PIMREG: variants seen among roughly 807,000 people sequenced by gnomAD.
PIMREG encodes PICALM interacting mitotic regulator.
In PIMREG, 19 loss-of-function variants were observed where a neutral mutation model predicts 24.3. That is an observed-to-expected ratio of 0.78 (90% CI 0.54 to 1.15). The LOEUF (loss-of-function observed/expected upper bound fraction) is 1.15, where lower values mean the gene tolerates loss of function less well. Among genes scored for constraint, PIMREG ranks in the 50% most tolerant of loss-of-function variants. The pLI, the probability that PIMREG is intolerant of heterozygous loss-of-function variation, is 0.00. For missense variants in PIMREG, 283 were observed against 306.8 expected (o/e 0.92, Z 0.58); for synonymous variants, 112 against 124.1 (o/e 0.90, Z 0.65).
intron 2 of PIMREG, among the ~76,000 whole-genome samples, chr17:6,446,388 G>A (rs922749211): frequency 1.6e-4 from 25 of 152,160 alleles, no homozygotes; most frequent in African/African-American, 6.0e-4. Context: ...GGCTCTTTCT[G>A]GACCCTCTGC....
Position 6,450,673 on chromosome 17 carries a change from A to C in PIMREG, c.*326A>C. 2.2e-6 allele frequency: 1 copy of C among 453,772 alleles called. No homozygotes were observed. Among genetic ancestry groups the C allele is most frequent in the Non-Finnish European group, 3.9e-6 (1 of 257,652 alleles). 28.1% of individuals were successfully genotyped at this position (453,772 alleles called of 1,614,324 possible). On this transcript the variant is annotated 3_prime_UTR_variant, in exon 6 of 6. Coordinates refer to ENST00000572447, the MANE Select transcript of PIMREG (RefSeq NM_019013.3). Reference sequence around the variant, plus strand: ...GAGCCTTCTATTTGCCTCATCTATAACATGAAGTGCTAGCATCAGATATTT... The same window carrying C: ...GAGCCTTCTATTTGCCTCATCTATACCATGAAGTGCTAGCATCAGATATTT...
chr17:6,446,662 C>A (rs1913582772), intron 2 of PIMREG, among the ~76,000 whole-genome samples: 1 of 152,172 alleles, frequency 6.6e-6, no homozygotes, highest in Non-Finnish European at 1.5e-5. Flanking sequence ...CAACAAGAAG[C>A]CACAGAAGAG....
chr17:6,447,841 A>C (rs1271712153), intron 3 of PIMREG, 83 bp downstream of exon 3: 2 of 1,435,264 alleles, frequency 1.4e-6, no homozygotes, highest in Non-Finnish European at 1.9e-6. Flanking sequence ...CCAGACACCA[A>C]CTGGGCCCTA....
At chr17:6,446,295 G>A (rs2150703162) in intron 2 of PIMREG, 3 of 398,118 alleles carry the variant, frequency 7.5e-6, no homozygotes, top group East Asian at 7.1e-5. Flanking sequence ...AGACCTCCAG[G>A]GAGAGGATTG....
chr17:6,448,389 G>A (rs1597351006), intron 3 of PIMREG, among the ~76,000 whole-genome samples: 2 of 151,708 alleles, frequency 1.3e-5, no homozygotes, highest in Non-Finnish European at 2.9e-5. Flanking sequence ...GAAATGGAGT[G>A]TGTTAGTTAA....
rs1245178274 is a variant in PIMREG at position 6,451,164 on chromosome 17, T to C, written c.*817T>C. 2 of 151,578 alleles carry C rather than the reference T, an allele frequency of 1.3e-5. No homozygotes were observed. Among genetic ancestry groups the C allele is most frequent in the African/African-American group, 4.8e-5 (2 of 41,286 alleles). 9.4% of individuals were successfully genotyped at this position (151,578 alleles called of 1,614,324 possible). ...TTTGTGGTTTGGGGTCTGGCCCTCA[T>C]CCACCTCTGCTCCGAGCCAGTCTGC... On this transcript the variant is annotated 3_prime_UTR_variant, in exon 6 of 6. Transcript: ENST00000572447.
In PIMREG at chr17:6,450,483, T is replaced by C. The variant is rs936108011; in HGVS notation, c.*136T>C. ...CCCTGGGCCACTGCTAACAAGCACC[T>C]AACAAGGGGCCCAGAGCCCCCTGCT... is the stretch of plus-strand genomic sequence containing the variant. On this transcript the variant is annotated 3_prime_UTR_variant, in exon 6 of 6. Transcript: ENST00000572447. The C allele has an allele frequency of 2.0e-5, 27 of 1,377,942 alleles. No individual in the cohort carries two copies. The highest frequency in any genetic ancestry group is 7.9e-6 in the Non-Finnish European group (8 of 1,009,712). The allele number at this position is 1,377,942 out of a possible 1,614,324, so 85.4% of individuals were successfully genotyped here. A position where few individuals can be genotyped will look rare whatever the true frequency, so the allele number is the denominator to read the frequency against.
At position 6,448,587 on chromosome 17, in the gene PIMREG, G is replaced by C. The variant is rs987213560; in HGVS notation, c.591-725G>C. 2.6e-5 allele frequency among the ~76,000 whole-genome samples: 4 copies of C among 152,224 alleles called. No individual in the cohort carries two copies. The South Asian group carries it at 8.3e-4, about 32-fold the overall frequency. ...CCTGAGGGTCATCCTGTAAGAAATA[G>C]AGGAGTAAAGGCTGGGGTCCAGATC... is the stretch of plus-strand genomic sequence containing the variant. On this transcript the variant is annotated intron_variant, in intron 3 of 5. Transcript: ENST00000572447.
At chr17:6,446,470 A>T (rs1913574876) in intron 2 of PIMREG, among the ~76,000 whole-genome samples, 1 of 152,196 alleles carries the variant, frequency 6.6e-6, no homozygotes, top group South Asian at 2.1e-4. Context: ...ACCCTCAGGG[A>T]TCAGAGAAAT....
At chr17:6,448,534 C>T (rs191627704) in intron 3 of PIMREG, among the ~76,000 whole-genome samples, 33 of 152,180 alleles carry the variant, frequency 2.2e-4, no homozygotes, top group Admixed American at 2.0e-3. Flanking sequence ...GGTAAGGAAA[C>T]GGAGGTCCGG....
chr17:6,445,015 T>C (rs1913516229), intron 1 of PIMREG, 61 bp from the exon 2 acceptor site: 1 of 1,326,942 alleles, frequency 7.5e-7, no homozygotes, highest in Non-Finnish European at 1.0e-6. Flanking sequence ...AGGGTCTCTG[T>C]GGGGCCTGGG....
intron 1 of PIMREG, 42 bp from the exon 2 acceptor site, chr17:6,445,034 T>C: frequency 7.0e-7 from 1 of 1,424,976 alleles, no homozygotes; most frequent in South Asian, 1.5e-5. Flanking sequence ...GGAATGGGTA[T>C]GGGGAATGCC....
At chr17:6,449,150 C>T (rs754474048) in intron 3 of PIMREG, among the ~76,000 whole-genome samples, 162 bp from the exon 4 acceptor site, 3 of 152,228 alleles carry the variant, frequency 2.0e-5, no homozygotes, top group Non-Finnish European at 2.9e-5. Context: ...GATCTTCTCT[C>T]TGTTTGTCGC....
rs1346188216 is a variant in PIMREG at position 6,449,247 on chromosome 17, G to A, written c.591-65G>A. On this transcript the variant is annotated intron_variant, in intron 3 of 5. Transcript: ENST00000572447. ...GCCCACAGACCACACCCCGGTACCGGGTTGCAAGGGTCTCCTGCCGGGAGT... is the reference window on the plus strand; with the variant it reads ...GCCCACAGACCACACCCCGGTACCGAGTTGCAAGGGTCTCCTGCCGGGAGT... 12 of 1,424,470 alleles carry A rather than the reference G, an allele frequency of 8.4e-6. No individual in the cohort carries two copies. In the African/African-American group the frequency reaches 1.6e-4, roughly 19 times the overall value. 88.2% of individuals were successfully genotyped at this position (1,424,470 alleles called of 1,614,324 possible).
chr17:6,445,050 G>T, intron 1 of PIMREG, 26 bp from the exon 2 acceptor site: 2 of 1,475,276 alleles, frequency 1.4e-6, no homozygotes. Flanking sequence ...ATGCCTTGCT[G>T]ATCTGCCTTT....
chr17:6,449,574 C>G, intron 4 of PIMREG, 167 bp downstream of exon 4: 1 of 1,062,278 alleles, frequency 9.4e-7, no homozygotes, highest in Non-Finnish European at 1.3e-6. Flanking sequence ...AGGACAAAAT[C>G]CTGGACTGGG....
intron 5 of PIMREG, 118 bp downstream of exon 5, chr17:6,450,190 T>C (rs1913768346): frequency 1.6e-6 from 2 of 1,234,056 alleles, no homozygotes; most frequent in Non-Finnish European, 2.3e-6. Flanking sequence ...AGTACCTACT[T>C]GCCGCTTGAA....
chr17:6,448,239 C>T (rs987161378), intron 3 of PIMREG, among the ~76,000 whole-genome samples: 10 of 135,520 alleles, frequency 7.4e-5, no homozygotes, highest in East Asian at 2.3e-4. Flanking sequence ...GCTGAGATCG[C>T]GCCACTGCAC....
intron 4 of PIMREG, 108 bp downstream of exon 4, chr17:6,449,515 G>A (rs1390213950): frequency 8.9e-7 from 1 of 1,128,772 alleles, no homozygotes; most frequent in African/African-American, 1.6e-5. Context: ...ACCCTGGCCA[G>A]TCTCTGCCCC....
Sources: gnomAD v4.1 joint callset for allele counts (sites outside exome capture counted in the v4.1 genomes callset) on GRCh38, gnomAD v4.1.1 for gene constraint, MANE v1.5 for transcripts, NCBI Gene and HGNC (gene_info 2026-07-23, HGNC 2026-07-21) for gene names.